The following MACROD2 variants were observed in gnomAD, a reference collection of about 807,000 sequenced individuals.
The protein encoded by MACROD2 is ADP-ribose glycohydrolase MACROD2.
MACROD2 carries 36 observed loss-of-function variants against 70.4 expected under a neutral mutation model. The ratio of observed to expected loss-of-function variants is 0.51; its 90% CI spans 0.39 to 0.68. MACROD2 has a LOEUF of 0.68. MACROD2 is among the 30% of genes least tolerant of loss of function. The pLI, the probability that MACROD2 is intolerant of heterozygous loss-of-function variation, is 0.00. For missense variants in MACROD2, 496 were observed against 538.4 expected (o/e 0.92, Z 0.78); for synonymous variants, 172 against 178.8 (o/e 0.96, Z 0.30).
At chr20:15,467,819 T>G (rs1460775252) in intron 7 of MACROD2, among the ~76,000 whole-genome samples, 1 of 152,170 alleles carries the variant, frequency 6.6e-6, no homozygotes, top group Non-Finnish European at 1.5e-5. Context: ...TCTTCCTGAG[T>G]GTATAGTGGC....
chr20:14,154,410 G>A (rs559474748), intron 3 of MACROD2, among the ~76,000 whole-genome samples: 2 of 145,666 alleles, frequency 1.4e-5, no homozygotes, highest in Non-Finnish European at 3.0e-5. Context: ...TTTTTGAGAC[G>A]GAGTCTTGCT....
intron 3 of MACROD2, among the ~76,000 whole-genome samples, chr20:14,462,843 G>T (rs2084388642): frequency 6.6e-6 from 1 of 152,004 alleles, no homozygotes; most frequent in South Asian, 2.1e-4. Flanking sequence ...TCAGATAGTT[G>T]TAGATATGCG....
At chr20:14,446,442 G>A (rs1422002367) in intron 3 of MACROD2, among the ~76,000 whole-genome samples, 1 of 151,998 alleles carries the variant, frequency 6.6e-6, no homozygotes, top group Non-Finnish European at 1.5e-5. Context: ...ACACTGTATT[G>A]CCTCTCAAGT....
At chr20:14,224,034 G>A (rs1227292748) in intron 3 of MACROD2, among the ~76,000 whole-genome samples, 8 of 152,154 alleles carry the variant, frequency 5.3e-5, no homozygotes, top group Admixed American at 4.6e-4. Flanking sequence ...GTCATTTTCT[G>A]TTAAGACCTT....
intron 8 of MACROD2, among the ~76,000 whole-genome samples, chr20:15,779,272 A>T (rs1189476508): frequency 6.6e-6 from 1 of 152,150 alleles, no homozygotes; most frequent in African/African-American, 2.4e-5. Flanking sequence ...GCATTAGATC[A>T]CAGAACAGCT....
At chr20:14,274,651 A>G (rs796536103) in intron 3 of MACROD2, among the ~76,000 whole-genome samples, 2 of 152,304 alleles carry the variant, frequency 1.3e-5, no homozygotes, top group South Asian at 2.1e-4. Flanking sequence ...GGTCAGGGCA[A>G]TCAGGCAGGA....
intron 5 of MACROD2, among the ~76,000 whole-genome samples, chr20:14,884,798 C>A (rs1030888426): frequency 1.3e-5 from 2 of 152,128 alleles, no homozygotes; most frequent in Non-Finnish European, 2.9e-5. Flanking sequence ...TTAAAACAAT[C>A]TGTTCTCTCT....
chr20:14,011,733 G>A (rs2052910723), intron 2 of MACROD2, among the ~76,000 whole-genome samples: 1 of 152,018 alleles, frequency 6.6e-6, no homozygotes, highest in Non-Finnish European at 1.5e-5. Flanking sequence ...GTTTCACCGT[G>A]TTAGCCAGGA....
chr20:14,022,481 C>T (rs1159698201), intron 2 of MACROD2, among the ~76,000 whole-genome samples: 2 of 148,016 alleles, frequency 1.4e-5, no homozygotes, highest in East Asian at 2.0e-4. Context: ...TTCTGGGATA[C>T]GTGTGCAGAA....
Position 14,868,972 on chromosome 20 carries a change from A to G in MACROD2, c.418+184013A>G, listed in dbSNP as rs75968620. 5.7e-3 allele frequency among the ~76,000 whole-genome samples: 868 copies of G among 152,222 alleles called. 10 individuals are homozygous for G. Among genetic ancestry groups the G allele is most frequent in the African/African-American group, 0.02 (838 of 41,542 alleles). On this transcript the variant is annotated intron_variant, in intron 5 of 17. Transcript: ENST00000684519. ...TATGTAAGCCGGAGGGCACAGTGCA[A>G]AATTAAAATGTGGGGCCCTTGTTCA...
intron 4 of MACROD2, among the ~76,000 whole-genome samples, chr20:14,618,675 C>T (rs917314968): frequency 5.3e-5 from 8 of 152,072 alleles, no homozygotes; most frequent in Admixed American, 3.9e-4. Flanking sequence ...TGAAGACTTG[C>T]ACTATGCAGC....
At chr20:14,459,111 G>A (rs932320232) in intron 3 of MACROD2, among the ~76,000 whole-genome samples, 2 of 151,930 alleles carry the variant, frequency 1.3e-5, no homozygotes, top group African/African-American at 4.8e-5. Flanking sequence ...TCTGAGTCTT[G>A]TAGCAGGTAA....
chr20:14,685,060 T>C, intron 5 of MACROD2, 101 bp downstream of exon 5: 1 of 897,144 alleles, frequency 1.1e-6, no homozygotes, highest in Non-Finnish European at 1.8e-6. Flanking sequence ...TGGTATTTAA[T>C]TAAATGTGCT....
intron 3 of MACROD2, among the ~76,000 whole-genome samples, chr20:14,094,106 A>G (rs2054190508): frequency 6.6e-6 from 1 of 152,040 alleles, no homozygotes; most frequent in Non-Finnish European, 1.5e-5. Context: ...GGAAGGATTA[A>G]GTTTAAGGGG....
At chr20:15,967,502 C>A in intron 12 of MACROD2, 51 bp from the exon 13 acceptor site, 1 of 1,436,542 alleles carries the variant, frequency 7.0e-7, no homozygotes. Flanking sequence ...GAAAGCTGCT[C>A]TGTTTCCAAG....
intron 2 of MACROD2, among the ~76,000 whole-genome samples, chr20:14,006,855 A>T (rs1395641021): frequency 1.3e-5 from 2 of 151,876 alleles, no homozygotes; most frequent in African/African-American, 4.8e-5. Flanking sequence ...ATTTCTTATG[A>T]GTTGGTAGTT....
At chr20:14,355,384 C>A (rs2083162842) in intron 3 of MACROD2, among the ~76,000 whole-genome samples, 1 of 152,056 alleles carries the variant, frequency 6.6e-6, no homozygotes, top group South Asian at 2.1e-4. Flanking sequence ...TGCAAAGACC[C>A]CACTAATCCA....
intron 7 of MACROD2, among the ~76,000 whole-genome samples, chr20:15,453,560 T>G (rs187214879): frequency 5.3e-4 from 80 of 152,302 alleles, no homozygotes; most frequent in Admixed American, 9.2e-4. Flanking sequence ...TGAAATCTTA[T>G]GTGTTATTTG....
chr20:14,857,512 T>C (rs1396136126), intron 5 of MACROD2, among the ~76,000 whole-genome samples: 1 of 152,208 alleles, frequency 6.6e-6, no homozygotes, highest in Non-Finnish European at 1.5e-5. Context: ...CAAGCAAATT[T>C]CTATAGTTGA....
Sources: allele counts gnomAD v4.1 joint callset (sites outside exome capture counted in the v4.1 genomes callset), GRCh38; gene constraint gnomAD v4.1.1; transcripts MANE v1.5; gene names NCBI Gene and HGNC (gene_info 2026-07-23, HGNC 2026-07-21).